The following SYNE1 variants were observed in gnomAD, a reference collection of about 807,000 sequenced individuals.
SYNE1 encodes the protein nesprin-1.
Under a neutral mutation model 1,111.0 loss-of-function variants are expected in SYNE1, and 616 were observed. The observed-to-expected ratio is 0.55, with a 90% confidence interval of 0.52 to 0.59. SYNE1 has a LOEUF of 0.59. Ranked by LOEUF, SYNE1 falls within the 20% of genes least tolerant of loss-of-function variation. The probability of loss-of-function intolerance (pLI) is 0.00; values close to 1 mark genes in which losing one functional copy is unlikely to be tolerated. For missense variants in SYNE1, 10,006 were observed against 10,417.0 expected (o/e 0.96, Z 1.72); for synonymous variants, 3,855 against 3,825.8 (o/e 1.01, Z -0.28).
chr6:152,472,616 C>A, intron 14 of SYNE1: 4 of 703,634 alleles, frequency 5.7e-6, no homozygotes, highest in Non-Finnish European at 5.2e-6. Context: ...TATGCTGGAA[C>A]TGCATCTAAT....
chr6:152,288,831 C>T (rs1172161003), intron 95 of SYNE1, among the ~76,000 whole-genome samples: 1 of 152,212 alleles, frequency 6.6e-6, no homozygotes, highest in Non-Finnish European at 1.5e-5. Context: ...CAGGTGTGAG[C>T]CACTGTGCCC....
At chr6:152,460,093 T>C (rs934236155) in intron 21 of SYNE1, among the ~76,000 whole-genome samples, 2 of 152,286 alleles carry the variant, frequency 1.3e-5, no homozygotes, top group East Asian at 3.9e-4. Context: ...AGATGCTGCA[T>C]CTGAAACAGT....
intron 130 of SYNE1, among the ~76,000 whole-genome samples, 194 bp from the exon 131 acceptor site, chr6:152,164,519 A>G (rs1456240383): frequency 6.6e-6 from 1 of 152,254 alleles, no homozygotes; most frequent in Non-Finnish European, 1.5e-5. Flanking sequence ...AAGGATGCAG[A>G]GGAGGCAGGG....
At chr6:152,213,460 A>G in intron 123 of SYNE1, 152 bp downstream of exon 123, 1 of 881,558 alleles carries the variant, frequency 1.1e-6, no homozygotes, top group South Asian at 1.4e-5. Flanking sequence ...TAAGTTATCA[A>G]AACCTCAAGC....
chr6:152,397,532 C>T (rs2097754934), intron 49 of SYNE1, among the ~76,000 whole-genome samples: 1 of 152,174 alleles, frequency 6.6e-6, no homozygotes, highest in African/African-American at 2.4e-5. Flanking sequence ...GCGTTTGCTA[C>T]ACCTCAAGCT....
intron 34 of SYNE1, 33 bp downstream of exon 34, chr6:152,433,762 A>G (rs750822544): frequency 1.2e-6 from 2 of 1,613,096 alleles, no homozygotes; most frequent in South Asian, 1.1e-5. Context: ...AAAGCTAGAC[A>G]TGGATTATAA....
Position 152,511,049 on chromosome 6 carries a change from C to T in SYNE1, c.364G>A (p.Val122Ile). The change falls in exon 7 of 146, where the codon GTT (valine) becomes ATT (isoleucine). Residue 122 changes from valine (V) to isoleucine (I), a missense_variant. This residue lies in a region of SYNE1 where 1,971 missense variants were observed against 2,084.1 expected (regional missense o/e 0.95). Transcript: ENST00000367255. The stretch of plus-strand genomic sequence containing the variant: ...ATAATGGTCCACATCAATCCAAGAA[C>T]TATTGAGGGTCGGCCATCAGCTATA... ...TDIADGRPSI[V>I]LGLMWTIILY... is the part of the protein sequence containing the mutation. The T allele has an allele frequency of 6.2e-7, 1 of 1,613,992 alleles. No individual in the cohort carries two copies. The highest frequency in any genetic ancestry group is 8.5e-7 in the Non-Finnish European group (1 of 1,179,926).
chr6:152,232,818 T>C (rs947030931), intron 112 of SYNE1, among the ~76,000 whole-genome samples: 11 of 152,236 alleles, frequency 7.2e-5, no homozygotes, highest in South Asian at 2.1e-4. Context: ...TTTATGCATA[T>C]GTGTATTACG....
intron 74 of SYNE1, among the ~76,000 whole-genome samples, chr6:152,341,531 C>T (rs1378631543): frequency 2.0e-5 from 3 of 152,128 alleles, no homozygotes; most frequent in Non-Finnish European, 4.4e-5. Context: ...GAATCGAATC[C>T]ATGTGCCATT....
chr6:152,631,567 G>A (rs1016569708), intron 2 of SYNE1, among the ~76,000 whole-genome samples: 3 of 152,158 alleles, frequency 2.0e-5, no homozygotes, highest in African/African-American at 7.2e-5. Flanking sequence ...GACAAAACTG[G>A]AAGATCCAGA....
At chr6:152,142,266 C>T (rs1267743424) in intron 138 of SYNE1, among the ~76,000 whole-genome samples, 2 of 152,122 alleles carry the variant, frequency 1.3e-5, no homozygotes, top group Non-Finnish European at 2.9e-5. Context: ...AAACTCGGAG[C>T]CCTCAGCTGG....
At position 152,308,726 on chromosome 6, in the gene SYNE1, T is replaced by C. The variant is rs2095457030; in HGVS notation, c.17203-94A>G. 9.6e-6 allele frequency: 13 copies of C among 1,357,572 alleles called. No individual in the cohort carries two copies. In the South Asian group the frequency reaches 1.8e-4, roughly 19 times the overall value. The allele number at this position is 1,357,572 out of a possible 1,614,324, so 84.1% of individuals were successfully genotyped here. ...CTGTAGTTTAACTCCTATTTACCTG[T>C]ACAGGTAGGGAATAAAGAAATGATG... On this transcript the variant is annotated intron_variant, in intron 90 of 145. Coordinates refer to ENST00000367255, the MANE Select transcript of SYNE1 (RefSeq NM_182961.4).
Position 152,323,627 on chromosome 6 carries a change from C to T in SYNE1, c.15768G>A (p.Thr5256=). The change falls in exon 82 of 146, where the codon ACG becomes ACA. Residue 5256 remains threonine (T), a synonymous_variant. Transcript: ENST00000367255. ...GCTGCTGCTCCAGCTCCAGAACGAA[C>T]GTGTCGTGGTATTCAAGAAGAGTTA... ...ELLTLLEYHD[T]FVLELEQQQS... 1 of 1,614,236 alleles carries T rather than the reference C, an allele frequency of 6.2e-7. No homozygotes were observed. The highest frequency in any genetic ancestry group is 8.5e-7 in the Non-Finnish European group (1 of 1,180,048).
At chr6:152,534,947 A>G (rs781172378) in intron 4 of SYNE1, among the ~76,000 whole-genome samples, 5 of 152,270 alleles carry the variant, frequency 3.3e-5, no homozygotes, top group Non-Finnish European at 5.9e-5. Context: ...TGGTATTAAA[A>G]CAAAATGTGC....
intron 115 of SYNE1, among the ~76,000 whole-genome samples, chr6:152,229,053 GA>G (rs1562338305): frequency 6.6e-6 from 1 of 152,076 alleles, no homozygotes; most frequent in East Asian, 1.9e-4. Flanking sequence ...TTTCAGAACC[GA>G]AAAGCTTTGA....
At chr6:152,286,075 G>A (rs2094310856) in intron 95 of SYNE1, among the ~76,000 whole-genome samples, 1 of 152,090 alleles carries the variant, frequency 6.6e-6, no homozygotes, top group Non-Finnish European at 1.5e-5. Flanking sequence ...CTCAGAGTGG[G>A]CTCTCACAAT....
chr6:152,310,343 CTT>C (rs1562962251), intron 89 of SYNE1, 51 bp downstream of exon 89: 11 of 1,611,096 alleles, frequency 6.8e-6, no homozygotes, highest in Non-Finnish European at 9.3e-6. Context: ...TTACTATCCT[CTT>C]TTAAAAATAT....
chr6:152,556,900 T>C (rs79574140), intron 3 of SYNE1, among the ~76,000 whole-genome samples: 4,501 of 152,170 alleles, frequency 0.03, 216 homozygotes, highest in African/African-American at 0.1. Context: ...ACAAACCAAA[T>C]ATCAGAGAAA....
At chr6:152,317,197 T>C (rs2095748407) in intron 86 of SYNE1, among the ~76,000 whole-genome samples, 1 of 152,006 alleles carries the variant, frequency 6.6e-6, no homozygotes, top group African/African-American at 2.4e-5. Flanking sequence ...CTTAATATGA[T>C]TGAATTATTC....
Sources: allele counts gnomAD v4.1 joint callset (sites outside exome capture counted in the v4.1 genomes callset), GRCh38; gene constraint gnomAD v4.1.1; regional missense constraint gnomAD v4.1.1; transcripts MANE v1.5; gene names NCBI Gene and HGNC (gene_info 2026-07-23, HGNC 2026-07-21).